ITIH5: variants seen among roughly 807,000 people sequenced by gnomAD.
ITIH5 encodes inter-alpha-trypsin inhibitor heavy chain H5.
A neutral mutation model predicts 77.5 loss-of-function variants in ITIH5; 65 were observed. The observed-to-expected ratio is 0.84, with a 90% CI of 0.69 to 1.03. The LOEUF is 1.03. ITIH5 is among the 50% of genes least tolerant of loss of function. The pLI, the probability that ITIH5 is intolerant of heterozygous loss-of-function variation, is 0.00. For missense variants in ITIH5, 1,208 were observed against 1,213.1 expected (o/e 1.00, Z 0.06); for synonymous variants, 525 against 494.3 (o/e 1.06, Z -0.82).
At chr10:7,581,214 C>T (rs569954375) in intron 8 of ITIH5, among the ~76,000 whole-genome samples, 71 of 152,120 alleles carry the variant, frequency 4.7e-4, no homozygotes, top group Non-Finnish European at 8.5e-4. Flanking sequence ...GAGCCAAGAT[C>T]GTGCCATTGC....
At chr10:7,607,076 T>C (rs887529772) in intron 7 of ITIH5, among the ~76,000 whole-genome samples, 4 of 152,234 alleles carry the variant, frequency 2.6e-5, no homozygotes, top group East Asian at 1.9e-4. Context: ...TCCTGAAACA[T>C]GCATCTGCTG....
intron 2 of ITIH5, among the ~76,000 whole-genome samples, chr10:7,650,644 G>GAGA (rs1299453519): frequency 6.6e-6 from 1 of 151,728 alleles, no homozygotes; most frequent in Non-Finnish European, 1.5e-5. Flanking sequence ...GCTAAGGCAG[G>GAGA]AGAATCACTT....
chr10:7,565,840 T>C (rs1832141500), intron 13 of ITIH5, among the ~76,000 whole-genome samples, 190 bp downstream of exon 13: 1 of 150,326 alleles, frequency 6.7e-6, no homozygotes. Flanking sequence ...ATTATGTATA[T>C]GTATATATGT....
At chr10:7,646,412 T>G (rs1430816315) in intron 2 of ITIH5, among the ~76,000 whole-genome samples, 1 of 152,254 alleles carries the variant, frequency 6.6e-6, no homozygotes, top group African/African-American at 2.4e-5. Context: ...ACAACTTTTG[T>G]ATATCCTTCC....
At chr10:7,573,762 G>A (rs1230102414) in intron 10 of ITIH5, among the ~76,000 whole-genome samples, 1 of 151,204 alleles carries the variant, frequency 6.6e-6, no homozygotes, top group East Asian at 1.9e-4. Flanking sequence ...TTTAATTATT[G>A]TATGATTTAG....
At chr10:7,613,581 T>C (rs951887535) in intron 7 of ITIH5, among the ~76,000 whole-genome samples, 2 of 152,186 alleles carry the variant, frequency 1.3e-5, no homozygotes, top group African/African-American at 4.8e-5. Context: ...AACTTAAATA[T>C]TTTCTTTAGC....
In ITIH5 at chr10:7,562,909, A is replaced by ACCCCC; in HGVS notation, c.*173_*174insGGGGG. 1.8e-6 allele frequency: 1 copy of ACCCCC among 551,812 alleles called. No homozygotes were observed. 34.2% of individuals were successfully genotyped at this position (551,812 alleles called of 1,614,324 possible). On this transcript the variant is annotated 3_prime_UTR_variant, in exon 14 of 14. Coordinates refer to ENST00000397146, the MANE Select transcript of ITIH5 (RefSeq NM_030569.7). Reference sequence around the variant, plus strand: ...ATTTGCACTCAGGCTTCCCGCCCCTACCCACCCCTACCCTTCGCCCAGACA... The same window carrying ACCCCC: ...ATTTGCACTCAGGCTTCCCGCCCCTACCCCCCCCACCCCTACCCTTCGCCCAGACA...
intron 5 of ITIH5, among the ~76,000 whole-genome samples, chr10:7,631,077 G>T (rs113607636): frequency 9.2e-5 from 14 of 151,998 alleles, no homozygotes; most frequent in African/African-American, 3.4e-4. Context: ...AAAGTGGCGG[G>T]AACTACAGCG....
At chr10:7,644,247 ATAT>A (rs1450472292) in intron 2 of ITIH5, among the ~76,000 whole-genome samples, 8 of 135,272 alleles carry the variant, frequency 5.9e-5, no homozygotes, top group African/African-American at 2.4e-4. Context: ...CAGAAAAAAA[ATAT>A]ATATATATAT....
Position 7,666,316 on chromosome 10 carries a change from C to T in ITIH5, c.90+487G>A, listed in dbSNP as rs187993120. 2.0e-5 allele frequency among the ~76,000 whole-genome samples: 3 copies of T among 152,066 alleles called. No homozygotes were observed. The East Asian group carries it at 5.8e-4, about 29-fold the overall frequency. The stretch of plus-strand genomic sequence containing the variant: ...GTGCCACCTTTAAATGCTAAACCAC[C>T]GGTAGGTAGTCGCTAAATGGGAAAG... On this transcript the variant is annotated intron_variant, in intron 1 of 13. Coordinates refer to ENST00000397146, the MANE Select transcript of ITIH5 (RefSeq NM_030569.7).
Position 7,597,044 on chromosome 10 carries a change from C to CAAAAAAAAA in ITIH5, c.940-10984_940-10976dup, listed in dbSNP as rs71383924. 4.3e-4 allele frequency among the ~76,000 whole-genome samples: 16 copies of CAAAAAAAAA among 36,920 alleles called. 1 individual carries two copies. Among genetic ancestry groups the CAAAAAAAAA allele is most frequent in the African/African-American group, 8.4e-4 (13 of 15,482 alleles). 24.2% of individuals were successfully genotyped at this position (36,920 alleles called of 152,430 possible). A position where few individuals can be genotyped will look rare whatever the true frequency, so the allele number is the denominator to read the frequency against. Reference sequence around the variant, plus strand: ...CTGGGTGCAGAGTGAGTCTCCAACTCAAAAAAAAAAAAAAAAAAAATTCCA... The same window carrying CAAAAAAAAA: ...CTGGGTGCAGAGTGAGTCTCCAACTCAAAAAAAAAAAAAAAAAAAAAAAAAAAAATTCCA... On this transcript the variant is annotated intron_variant, in intron 7 of 13. Coordinates refer to ENST00000397146, the MANE Select transcript of ITIH5 (RefSeq NM_030569.7).
At chr10:7,658,439 T>C (rs190508802) in intron 1 of ITIH5, among the ~76,000 whole-genome samples, 98 of 152,288 alleles carry the variant, frequency 6.4e-4, no homozygotes, top group African/African-American at 2.3e-3. Context: ...TAAGAACCTA[T>C]TGATGAAAGA....
At chr10:7,652,069 T>G (rs997454495) in intron 2 of ITIH5, among the ~76,000 whole-genome samples, 3 of 152,140 alleles carry the variant, frequency 2.0e-5, no homozygotes, top group Non-Finnish European at 4.4e-5. Flanking sequence ...CGAATCCTCT[T>G]GGGAAACCCA....
chr10:7,661,487 C>A (rs943368929), intron 1 of ITIH5, among the ~76,000 whole-genome samples: 1 of 152,078 alleles, frequency 6.6e-6, no homozygotes, highest in Non-Finnish European at 1.5e-5. Context: ...CATGAGATGC[C>A]ATTTATCATG....
intron 7 of ITIH5, among the ~76,000 whole-genome samples, chr10:7,588,476 C>T (rs1481051877): frequency 1.3e-5 from 2 of 152,198 alleles, no homozygotes; most frequent in Admixed American, 1.3e-4. Flanking sequence ...CCAGATCGTG[C>T]CACTGCACTC....
At chr10:7,570,887 GCT>G (rs1228419057) in intron 11 of ITIH5, among the ~76,000 whole-genome samples, 2 of 152,220 alleles carry the variant, frequency 1.3e-5, no homozygotes, top group Non-Finnish European at 2.9e-5. Context: ...CTCCCAAAGT[GCT>G]GGGATTTCAG....
chr10:7,599,881 T>A (rs562380677), intron 7 of ITIH5, among the ~76,000 whole-genome samples: 11 of 152,312 alleles, frequency 7.2e-5, no homozygotes, highest in Non-Finnish European at 5.9e-5. Context: ...TCTCTTTCCA[T>A]CTTCCCAGAC....
At chr10:7,619,695 C>T in intron 5 of ITIH5, 1 of 219,318 alleles carries the variant, frequency 4.6e-6, no homozygotes, top group South Asian at 4.7e-5. Flanking sequence ...AAGCGCCGGA[C>T]TTTTAAACCA....
In ITIH5 at chr10:7,641,896, A is replaced by G. The variant is rs772508710; in HGVS notation, c.299+31T>C. On this transcript the variant is annotated intron_variant, in intron 3 of 13. Transcript: ENST00000397146. The stretch of plus-strand genomic sequence containing the variant: ...GCTCAACCTGACCACCCTAGGCAGA[A>G]ATCTTCATCCCTGACCAGCGTGTCA... The G allele has an allele frequency of 5.2e-5, 83 of 1,610,996 alleles. 2 individuals are homozygous for G. Among genetic ancestry groups the G allele is most frequent in the Middle Eastern group, 3.4e-4 (2 of 5,918 alleles).
Sources: gnomAD v4.1 joint callset for allele counts (sites outside exome capture counted in the v4.1 genomes callset) on GRCh38, gnomAD v4.1.1 for gene constraint, MANE v1.5 for transcripts, NCBI Gene and HGNC (gene_info 2026-07-23, HGNC 2026-07-21) for gene names.